Variants in SLC30A7 observed in about 807,000 individuals in gnomAD.
SLC30A7 encodes the protein solute carrier family 30 member 7.
In SLC30A7, 35 loss-of-function variants were observed where a neutral mutation model predicts 46.0. The ratio of observed to expected loss-of-function variants is 0.76; its 90% CI spans 0.58 to 1.01. The LOEUF (loss-of-function observed/expected upper bound fraction) is 1.01, where lower values mean the gene tolerates loss of function less well. Ranked by LOEUF, SLC30A7 falls within the 50% of genes least tolerant of loss-of-function variation. The pLI is 0.00. For synonymous variants in SLC30A7, 147 were observed against 157.8 expected (o/e 0.93, Z 0.51); for missense variants, 464 against 451.1 (o/e 1.03, Z -0.26).
At chr1:100,919,499 G>A (rs1365055177) in intron 7 of SLC30A7, among the ~76,000 whole-genome samples, 1 of 152,012 alleles carries the variant, frequency 6.6e-6, no homozygotes, top group African/African-American at 2.4e-5. Flanking sequence ...AGGCTTAAAT[G>A]TGTCTTCCAA....
chr1:100,984,561 T>A (rs1419786636), downstream of SLC30A7, among the ~76,000 whole-genome samples: 15 of 152,130 alleles, frequency 9.9e-5, no homozygotes, highest in Admixed American at 9.8e-4. Context: ...TTGAAATAGA[T>A]CCAAAGAGAA....
In SLC30A7 at chr1:100,979,900, G is replaced by T. The variant is rs996655198; in HGVS notation, c.*5043G>T. On this transcript the variant is annotated 3_prime_UTR_variant, in exon 11 of 11. Transcript: ENST00000357650. Reference sequence around the variant, plus strand: ...TTCAAAGATCCAAGAAGCTGTAGCAGATCTCAATACACTCTCCTATAAAAT... The same window carrying T: ...TTCAAAGATCCAAGAAGCTGTAGCATATCTCAATACACTCTCCTATAAAAT... 2.0e-5 allele frequency: 3 copies of T among 152,072 alleles called. No individual in the cohort carries two copies. Among genetic ancestry groups the T allele is most frequent in the Non-Finnish European group, 2.9e-5 (2 of 67,964 alleles). The allele number at this position is 152,072 out of a possible 1,614,324, so 9.4% of individuals were successfully genotyped here. A position where few individuals can be genotyped will look rare whatever the true frequency, so the allele number is the denominator to read the frequency against.
intron 10 of SLC30A7, among the ~76,000 whole-genome samples, chr1:100,970,629 T>C (rs1475723055): frequency 6.6e-6 from 1 of 151,204 alleles, no homozygotes; most frequent in Non-Finnish European, 1.5e-5. Context: ...TAATGAGTTA[T>C]CATTTGGGAA....
intron 10 of SLC30A7, among the ~76,000 whole-genome samples, chr1:100,968,486 C>T (rs1655982591): frequency 6.6e-6 from 1 of 151,762 alleles, no homozygotes; most frequent in South Asian, 2.1e-4. Context: ...TGTTTTTTTC[C>T]AAAGTAAAAA....
At chr1:100,947,385 C>T (rs1428094952) in intron 8 of SLC30A7, among the ~76,000 whole-genome samples, 1 of 152,158 alleles carries the variant, frequency 6.6e-6, no homozygotes, top group Non-Finnish European at 1.5e-5. Context: ...GTTTCTTAAT[C>T]CTGAGTTCTA....
intron 8 of SLC30A7, among the ~76,000 whole-genome samples, chr1:100,958,966 G>A (rs1474461595): frequency 2.6e-5 from 4 of 152,162 alleles, no homozygotes; most frequent in Non-Finnish European, 5.9e-5. Flanking sequence ...TACCCTAAAA[G>A]AGGTGACACT....
chr1:100,992,660 T>C, the SLC30A7 span: 1 of 1,613,948 alleles, frequency 6.2e-7, no homozygotes. Context: ...TCGTATTCTT[T>C]GATTTTGAAC....
chr1:100,983,806 CTTGGCTTGGCCAT>C (rs1657117993), downstream of SLC30A7, among the ~76,000 whole-genome samples: 1 of 152,180 alleles, frequency 6.6e-6, no homozygotes, highest in African/African-American at 2.4e-5. Flanking sequence ...GCAATTAAGG[CTTGGCTTGGCCAT>C]TTGGCTTGGA....
chr1:100,903,890 G>A (rs1651465527), intron 2 of SLC30A7, among the ~76,000 whole-genome samples: 2 of 152,048 alleles, frequency 1.3e-5, no homozygotes, highest in Non-Finnish European at 2.9e-5. Flanking sequence ...CTAGCATCTA[G>A]CCAAATATTA....
intron 8 of SLC30A7, among the ~76,000 whole-genome samples, chr1:100,961,469 A>T (rs555206430): frequency 6.6e-6 from 1 of 152,078 alleles, no homozygotes; most frequent in Non-Finnish European, 1.5e-5. Flanking sequence ...TGATGTATTC[A>T]TTTTTTTGTA....
rs1656469272 is a variant in SLC30A7, at chr1:100,975,952, A to C, written c.*1095A>C. 6.6e-6 allele frequency: 1 copy of C among 150,598 alleles called. No homozygotes were observed. The highest frequency in any genetic ancestry group is 6.7e-5 in the Admixed American group (1 of 14,960). The allele number at this position is 150,598 out of a possible 1,614,324, so 9.3% of individuals were successfully genotyped here. ...TTGTGTACTTCCAGCATAGGTTTGG[A>C]TATATGAACATTTTTCTTTTATTGT... On this transcript the variant is annotated 3_prime_UTR_variant, in exon 11 of 11. Coordinates refer to ENST00000357650, the MANE Select transcript of SLC30A7 (RefSeq NM_133496.5).
At chr1:100,908,452 G>A (rs1030815242) in intron 3 of SLC30A7, among the ~76,000 whole-genome samples, 1 of 152,166 alleles carries the variant, frequency 6.6e-6, no homozygotes, top group Non-Finnish European at 1.5e-5. Context: ...TATTGTGACA[G>A]TTGCCAAAAA....
intron 8 of SLC30A7, among the ~76,000 whole-genome samples, chr1:100,955,944 T>C (rs1439156665): frequency 1.3e-5 from 2 of 152,252 alleles, no homozygotes; most frequent in Middle Eastern, 3.4e-3. Flanking sequence ...TTTAAATTGC[T>C]ATTGGAGAAA....
rs544147956 is a variant in SLC30A7, at chr1:100,963,761, T to C, written c.933+1843T>C. On this transcript the variant is annotated intron_variant, in intron 9 of 10. Coordinates refer to ENST00000357650, the MANE Select transcript of SLC30A7 (RefSeq NM_133496.5). ...TTAACTTAATTTCCATTCATTTAAA[T>C]AGTCACATATGTCTAGTGACTTTTG... 6.9e-4 allele frequency among the ~76,000 whole-genome samples: 105 copies of C among 152,332 alleles called. 1 individual carries two copies. The highest frequency in any genetic ancestry group is 2.5e-3 in the African/African-American group (102 of 41,586).
intron 8 of SLC30A7, among the ~76,000 whole-genome samples, chr1:100,928,482 T>C (rs1005167480): frequency 2.6e-5 from 4 of 152,158 alleles, no homozygotes; most frequent in African/African-American, 9.7e-5. Flanking sequence ...GGAATAATTA[T>C]GTTGACAAAG....
chr1:100,990,849 C>G, the SLC30A7 span, among the ~76,000 whole-genome samples: 1 of 152,208 alleles, frequency 6.6e-6, no homozygotes, highest in Non-Finnish European at 1.5e-5. Flanking sequence ...TTTACCCTTT[C>G]AGAATTACAA....
rs1481419868 is a variant in SLC30A7 at position 100,912,043 on chromosome 1, T to C, written c.385-69T>C. On this transcript the variant is annotated intron_variant, in intron 4 of 10. Transcript: ENST00000357650. ...ATAACTGAAAGTGTTTAATGTTGTC[T>C]TATGATTTTGTTAGTTGATCAATCA... 12 of 1,413,412 alleles carry C rather than the reference T, an allele frequency of 8.5e-6. No individual in the cohort carries two copies. The Admixed American group carries it at 2.3e-4, about 27-fold the overall frequency. 87.6% of individuals were successfully genotyped at this position (1,413,412 alleles called of 1,614,324 possible). A position where few individuals can be genotyped will look rare whatever the true frequency, so the allele number is the denominator to read the frequency against.
intron 3 of SLC30A7, among the ~76,000 whole-genome samples, chr1:100,910,798 T>C (rs1406340051): frequency 6.6e-6 from 1 of 152,190 alleles, no homozygotes; most frequent in African/African-American, 2.4e-5. Context: ...GAAAGGTCTT[T>C]CTAAAACTAC....
In SLC30A7 at chr1:100,906,835, T is replaced by C. The variant is rs1438273590; in HGVS notation, c.183-17T>C. ...TGGTTTTTATTATAATTTGTCAATG[T>C]GTTTGTTCTTTTCCAGCTTAGGCTT... On this transcript the variant is annotated splice_polypyrimidine_tract_variant and intron_variant, in intron 2 of 10. Coordinates refer to ENST00000357650, the MANE Select transcript of SLC30A7 (RefSeq NM_133496.5). The C allele has an allele frequency of 6.5e-7, 1 of 1,540,840 alleles. No homozygotes were observed.
Sources: allele counts gnomAD v4.1 joint callset (sites outside exome capture counted in the v4.1 genomes callset), GRCh38; gene constraint gnomAD v4.1.1; transcripts MANE v1.5; gene names NCBI Gene and HGNC (gene_info 2026-07-23, HGNC 2026-07-21).